The following MYOM1 variants were observed in gnomAD, a reference collection of about 807,000 sequenced individuals.
The protein encoded by MYOM1 is myomesin-1.
A neutral mutation model predicts 205.3 loss-of-function variants in MYOM1; 164 were observed. That is an observed-to-expected ratio of 0.80 (90% CI 0.70 to 0.91). The LOEUF (loss-of-function observed/expected upper bound fraction) is 0.91, where lower values mean the gene tolerates loss of function less well. Among genes scored for constraint, MYOM1 ranks in the 40% least tolerant of loss-of-function variants. The pLI is 0.00. For synonymous variants in MYOM1, 772 were observed against 789.4 expected (o/e 0.98, Z 0.37); for missense variants, 2,011 against 2,127.3 (o/e 0.95, Z 1.08).
chr18:3,177,320 T>C (rs766281778), intron 5 of MYOM1, among the ~76,000 whole-genome samples: 38 of 152,028 alleles, frequency 2.5e-4, no homozygotes, highest in Non-Finnish European at 5.9e-5. Context: ...TTTTAAAAAG[T>C]TGACCACTAT....
intron 19 of MYOM1, among the ~76,000 whole-genome samples, chr18:3,124,872 C>T (rs993351450): frequency 6.6e-6 from 1 of 152,088 alleles, no homozygotes; most frequent in Non-Finnish European, 1.5e-5. Flanking sequence ...GTAAATATGA[C>T]TACAATGAAT....
intron 16 of MYOM1, among the ~76,000 whole-genome samples, chr18:3,133,664 C>T (rs1005954883): frequency 1.3e-5 from 2 of 151,818 alleles, no homozygotes; most frequent in African/African-American, 2.4e-5. Context: ...TCTAATATCA[C>T]GTTGCATATT....
intron 36 of MYOM1, 103 bp downstream of exon 36, chr18:3,075,351 C>A (rs931420660): frequency 1.3e-4 from 145 of 1,133,532 alleles, no homozygotes; most frequent in Middle Eastern, 7.3e-4. Flanking sequence ...AAGAAAAAAA[C>A]CACTTCCATT....
At chr18:3,171,600 T>C (rs1047955419) in intron 8 of MYOM1, among the ~76,000 whole-genome samples, 4 of 151,864 alleles carry the variant, frequency 2.6e-5, no homozygotes, top group Non-Finnish European at 4.4e-5. Context: ...CTGAGAAAAA[T>C]GGTTTAGGGC....
intron 10 of MYOM1, among the ~76,000 whole-genome samples, chr18:3,157,768 AACATACTTGGGATG>A (rs2080323851): frequency 6.6e-6 from 1 of 151,104 alleles, no homozygotes. Flanking sequence ...TGAGAAACAA[AACATACTTGGGATG>A]ACAAGAGGCA....
intron 26 of MYOM1, chr18:3,093,747 G>T (rs2079259411): frequency 6.5e-6 from 1 of 153,626 alleles, no homozygotes; most frequent in Admixed American, 6.5e-5. Context: ...GCAATGAAAG[G>T]TATTTTTATT....
At position 3,089,198 on chromosome 18, in the gene MYOM1, T is replaced by C; in HGVS notation, c.4113A>G (p.Glu1371=). Reference sequence around the variant, plus strand: ...CCTTGCATTTCAATAGTACATTACATTCACCAGTCACTTCCCAGCTCAAAT... The same window carrying C: ...CCTTGCATTTCAATAGTACATTACACTCACCAGTCACTTCCCAGCTCAAAT... ...VEYLSWEVTG[E]CNVLLKCKVA... Residue 1371 remains glutamate, a synonymous_variant, in exon 29 of 38, where the codon GAA becomes GAG. Coordinates refer to ENST00000356443, the MANE Select transcript of MYOM1 (RefSeq NM_003803.4). 4 of 1,611,936 alleles carry C rather than the reference T, an allele frequency of 2.5e-6. No individual in the cohort carries two copies. The highest frequency in any genetic ancestry group is 3.4e-6 in the Non-Finnish European group (4 of 1,178,482).
chr18:3,101,650 C>T (rs1460062097), intron 23 of MYOM1, among the ~76,000 whole-genome samples: 1 of 152,122 alleles, frequency 6.6e-6, no homozygotes, highest in Admixed American at 6.5e-5. Context: ...ATTTAATTTA[C>T]CATAACTTGA....
intron 12 of MYOM1, among the ~76,000 whole-genome samples, chr18:3,151,477 T>A (rs1416668531): frequency 2.4e-5 from 2 of 84,902 alleles, no homozygotes; most frequent in Admixed American, 1.2e-4. Context: ...ATAAAATAAA[T>A]AAAATAAAAT....
chr18:3,242,132 T>C, the MYOM1 span, among the ~76,000 whole-genome samples: 20 of 152,076 alleles, frequency 1.3e-4, no homozygotes, highest in Admixed American at 1.2e-3. Flanking sequence ...AATAACACTT[T>C]GGGGGGCTGC....
At chr18:3,161,518 C>T (rs1189274947) in intron 10 of MYOM1, among the ~76,000 whole-genome samples, 2 of 152,188 alleles carry the variant, frequency 1.3e-5, no homozygotes, top group Non-Finnish European at 1.5e-5. Flanking sequence ...GTGATGAGGG[C>T]AATTCGGCCT....
In MYOM1 at chr18:3,173,978, C is replaced by G; in HGVS notation, c.1134G>C (p.Glu378Asp). ...VVKRYKGEFD[E>D]TRFHAGASTM... ...TGGAAGCCCCAGCGTGGAAGCGAGT[C>G]TCATCAAACTCTCCCTTATACCCTA... Residue 378 changes from glutamate to aspartate, a missense_variant, in exon 8 of 38, where the codon GAG becomes GAC. Transcript: ENST00000356443. The G allele has an allele frequency of 6.2e-7, 1 of 1,613,484 alleles. No homozygotes were observed. The highest frequency in any genetic ancestry group is 1.7e-4 in the Middle Eastern group (1 of 6,060).
At chr18:3,084,071 T>C in intron 31 of MYOM1, 44 bp from the exon 32 acceptor site, 1 of 1,549,334 alleles carries the variant, frequency 6.5e-7, no homozygotes, top group Non-Finnish European at 8.8e-7. Context: ...ATAAAAATTC[T>C]CAATGTAAGG....
chr18:3,189,038 C>G lies in MYOM1; in HGVS notation c.481G>C (p.Glu161Gln). The change falls in exon 4 of 38, where the codon GAA becomes CAA. Residue 161 changes from glutamate to glutamine, a missense_variant. Glu to Gln is a conservative substitution (Grantham distance 29). Transcript: ENST00000356443. The surrounding 1 kb of genome is among the most constrained non-coding windows in gnomAD (Gnocchi z 4.8). The part of the protein sequence containing the change: ...ITDTEEERIK[E>Q]AAAYIAQRNL... ...CTCTGGGCTATATAAGCAGCAGCTTCTTTAATTCTTTCTTCTTCCGTATCA... is the reference window on the plus strand; with the variant it reads ...CTCTGGGCTATATAAGCAGCAGCTTGTTTAATTCTTTCTTCTTCCGTATCA... 1 of 1,613,588 alleles carries G rather than the reference C, an allele frequency of 6.2e-7. No individual in the cohort carries two copies.
chr18:3,209,552 T>C lies in MYOM1; in HGVS notation c.290+5382A>G, dbSNP rs1319433471. On this transcript the variant is annotated intron_variant, in intron 2 of 37. Coordinates refer to ENST00000356443, the MANE Select transcript of MYOM1 (RefSeq NM_003803.4). The surrounding 1 kb of genome is among the most constrained non-coding windows in gnomAD (Gnocchi z 4.0). ...CCCACAGGCCCTCCATGATCAGTCC[T>C]GCCCAACCCATCACCTTTCTGACAT... Among the ~76,000 whole-genome samples the C allele has an allele frequency of 6.6e-6, 1 of 152,226 alleles. No individual in the cohort carries two copies. Among genetic ancestry groups the C allele is most frequent in the Non-Finnish European group, 1.5e-5 (1 of 68,038 alleles).
In MYOM1 at chr18:3,112,354, G is replaced by A. The variant is rs371614580; in HGVS notation, c.3362C>T (p.Ala1121Val). Residue 1121 changes from alanine (A) to valine (V), a missense_variant, in exon 22 of 38, where the codon GCG becomes GTG. By Grantham distance (64) the Ala-to-Val change is moderately conservative. Transcript: ENST00000356443. The stretch of plus-strand genomic sequence containing the variant: ...AAGGTCAGATGGCTTCCCAACTCCC[G>A]CCTGGTTTATGGCTCGAACACGGAA... ...YVFRVRAINQ[A>V]GVGKPSDLAG... 5.6e-5 allele frequency: 90 copies of A among 1,612,430 alleles called. No individual in the cohort carries two copies. The highest frequency in any genetic ancestry group is 6.2e-5 in the Non-Finnish European group (73 of 1,178,908).
At chr18:3,241,678 ACTGTCCTC>A in the MYOM1 span, among the ~76,000 whole-genome samples, 1 of 152,204 alleles carries the variant, frequency 6.6e-6, no homozygotes, top group Non-Finnish European at 1.5e-5. Context: ...GAAGAGGACC[ACTGTCCTC>A]CAGACCACAG....
Position 3,071,880 on chromosome 18 carries a change from C to T in MYOM1, c.4718G>A (p.Arg1573Gln), listed in dbSNP as rs117342470. 3,109 of 1,604,694 alleles carry T rather than the reference C, an allele frequency of 1.9e-3. 59 individuals carry two copies. In the Admixed American group the frequency reaches 0.037, roughly 19 times the overall value. ...QAAIAEKNRARVLGGLPDVVT... is the reference protein window; with the variant it reads ...QAAIAEKNRAQVLGGLPDVVT... ...CACGTCTGGGAGACCTCCCAACACC[C>T]GGGCACGATCTGCAAGCATAGGCAT... Residue 1573 changes from arginine to glutamine, a missense_variant, in exon 37 of 38, where the codon CGG (arginine) becomes CAG (glutamine). Arg to Gln is a conservative substitution (Grantham distance 43, BLOSUM62 1). Transcript: ENST00000356443.
At chr18:3,154,734 T>A (rs2080269529) in intron 11 of MYOM1, among the ~76,000 whole-genome samples, 1 of 151,920 alleles carries the variant, frequency 6.6e-6, no homozygotes, top group Non-Finnish European at 1.5e-5. Context: ...TATGTATATG[T>A]TTGTGTAGAT....
Sources: allele counts gnomAD v4.1 joint callset (sites outside exome capture counted in the v4.1 genomes callset), GRCh38; gene constraint gnomAD v4.1.1; non-coding constraint Gnocchi (gnomAD v3.1); transcripts MANE v1.5; gene names NCBI Gene and HGNC (gene_info 2026-07-23, HGNC 2026-07-21).